Variants in HACD4 observed in about 807,000 individuals in gnomAD.
HACD4 encodes the protein 3-hydroxyacyl-CoA dehydratase 4, also known as very-long-chain (3R)-3-hydroxyacyl-CoA dehydratase 4.
In HACD4, 35 loss-of-function variants were observed where a neutral mutation model predicts 33.3. That is an observed-to-expected ratio of 1.05 (90% CI 0.80 to 1.39). HACD4 has a LOEUF of 1.39. Among genes scored for constraint, HACD4 ranks in the 40% most tolerant of loss-of-function variants. The pLI, the probability that HACD4 is intolerant of heterozygous loss-of-function variation, is 0.00. For synonymous variants in HACD4, 118 were observed against 98.0 expected, an observed-to-expected ratio of 1.20 and a Z score of -1.21; for missense variants, 323 against 276.5, an observed-to-expected ratio of 1.17 and a Z score of -1.19.
rs1257172271 is a variant in HACD4 at position 21,029,367 on chromosome 9, A to T, written c.70T>A (p.Tyr24Asn). The T allele has an allele frequency of 6.3e-7, 1 of 1,593,762 alleles. No individual in the cohort carries two copies. The highest frequency in any genetic ancestry group is 1.3e-5 in the African/African-American group (1 of 74,482). Residue 24 changes from tyrosine to asparagine, a missense_variant, in exon 2 of 7, where the codon TAC (tyrosine) becomes AAC (asparagine). By Grantham distance (143) the Tyr-to-Asn change is moderately radical. Coordinates refer to ENST00000495827, the MANE Select transcript of HACD4 (RefSeq NM_001010915.5). ...GAGTGGCCACAGAACTGGATTAAGT[A>T]ATAGATGAAAAGATACGCATTCTTC... is the stretch of plus-strand genomic sequence containing the variant. The part of the protein sequence containing the change: ...YRKNAYLFIY[Y>N]LIQFCGHSWI...
At chr9:21,026,753 T>C in intron 2 of HACD4, 30 bp from the exon 3 acceptor site, 7 of 1,597,424 alleles carry the variant, frequency 4.4e-6, no homozygotes, top group African/African-American at 1.3e-5. Context: ...AATGCAGATA[T>C]AGGAAGAAAA....
Position 21,001,648 on chromosome 9 carries a change from G to A in HACD4, c.*5389C>T, listed in dbSNP as rs1336802142. The A allele has an allele frequency of 1.3e-5, 2 of 152,098 alleles. No homozygotes were observed. Among genetic ancestry groups the A allele is most frequent in the Non-Finnish European group, 2.9e-5 (2 of 67,974 alleles). 9.4% of individuals were successfully genotyped at this position (152,098 alleles called of 1,614,324 possible). A position where few individuals can be genotyped will look rare whatever the true frequency, so the allele number is the denominator to read the frequency against. On this transcript the variant is annotated 3_prime_UTR_variant, in exon 7 of 7. Coordinates refer to ENST00000495827, the MANE Select transcript of HACD4 (RefSeq NM_001010915.5). ...GAAAAAATCAATTCATCACATATAA[G>A]TGATCCTTAATAAGATTATCAGATT...
Position 20,999,686 on chromosome 9 carries a change from G to A in HACD4, c.*7351C>T, listed in dbSNP as rs1390350457. The A allele has an allele frequency of 6.6e-6, 1 of 152,118 alleles. No individual in the cohort carries two copies. Among genetic ancestry groups the A allele is most frequent in the Non-Finnish European group, 1.5e-5 (1 of 68,002 alleles). The allele number at this position is 152,118 out of a possible 1,614,324, so 9.4% of individuals were successfully genotyped here. A position where few individuals can be genotyped will look rare whatever the true frequency, so the allele number is the denominator to read the frequency against. ...TTGAAATTCATTACCTAATTAAGCCGATAGATTTCTTGAAATATATTTCTA... is the reference window on the plus strand; with the variant it reads ...TTGAAATTCATTACCTAATTAAGCCAATAGATTTCTTGAAATATATTTCTA... On this transcript the variant is annotated 3_prime_UTR_variant, in exon 7 of 7. Coordinates refer to ENST00000495827, the MANE Select transcript of HACD4 (RefSeq NM_001010915.5).
intron 3 of HACD4, among the ~76,000 whole-genome samples, chr9:21,024,123 G>A (rs569872361): frequency 2.0e-5 from 3 of 152,340 alleles, no homozygotes; most frequent in Admixed American, 2.0e-4. Context: ...AGGAAGGAGG[G>A]AGAAAATGAA....
In HACD4 at chr9:21,003,615, T is replaced by C. The variant is rs1842201733; in HGVS notation, c.*3422A>G. On this transcript the variant is annotated 3_prime_UTR_variant, in exon 7 of 7. Transcript: ENST00000495827. ...AATGTTTTCTTTAGTGGAAATAAGT[T>C]ACCCATTTTTAAAATTACATTTTTA... 1.3e-5 allele frequency: 2 copies of C among 152,158 alleles called. No individual in the cohort carries two copies. Among genetic ancestry groups the C allele is most frequent in the South Asian group, 4.1e-4 (2 of 4,836 alleles). 9.4% of individuals were successfully genotyped at this position (152,158 alleles called of 1,614,324 possible).
chr9:21,011,451 G>A, intron 5 of HACD4, 138 bp downstream of exon 5: 1 of 650,276 alleles, frequency 1.5e-6, no homozygotes, highest in Non-Finnish European at 2.7e-6. Context: ...TTGCATCAAG[G>A]GAAATATGCC....
intron 4 of HACD4, among the ~76,000 whole-genome samples, chr9:21,014,975 A>G (rs1842521899): frequency 1.3e-5 from 2 of 152,164 alleles, no homozygotes; most frequent in Admixed American, 1.3e-4. Flanking sequence ...ATGATGTTCC[A>G]TTGTCTCATG....
At chr9:21,021,898 C>G (rs1463756234) in intron 3 of HACD4, among the ~76,000 whole-genome samples, 2 of 152,090 alleles carry the variant, frequency 1.3e-5, no homozygotes, top group African/African-American at 4.8e-5. Flanking sequence ...TCATATGGAA[C>G]CAAAAAAGAG....
In HACD4 at chr9:21,005,716, A is replaced by G. The variant is rs1327018197; in HGVS notation, c.*1321T>C. The G allele has an allele frequency of 1.3e-5, 2 of 152,314 alleles. No homozygotes were observed. The highest frequency in any genetic ancestry group is 2.9e-5 in the Non-Finnish European group (2 of 68,144). The allele number at this position is 152,314 out of a possible 1,614,324, so 9.4% of individuals were successfully genotyped here. A position where few individuals can be genotyped will look rare whatever the true frequency, so the allele number is the denominator to read the frequency against. On this transcript the variant is annotated 3_prime_UTR_variant, in exon 7 of 7. Coordinates refer to ENST00000495827, the MANE Select transcript of HACD4 (RefSeq NM_001010915.5). The surrounding 1 kb of genome is among the most constrained non-coding windows in gnomAD (Gnocchi z 4.0). ...GATATGGGGGTCATCCTCCTCCAAC[A>G]TAGTCCTGGGGGCAATACCTCTGCC...
intron 4 of HACD4, 35 bp from the exon 5 acceptor site, chr9:21,011,730 T>G: frequency 9.0e-7 from 1 of 1,109,228 alleles, no homozygotes; most frequent in Non-Finnish European, 1.3e-6. Context: ...AACATCATTT[T>G]CTGCTAATAT....
In HACD4 at chr9:21,004,004, T is replaced by C. The variant is rs888681302; in HGVS notation, c.*3033A>G. On this transcript the variant is annotated 3_prime_UTR_variant, in exon 7 of 7. Transcript: ENST00000495827. The surrounding 1 kb of genome is among the most constrained non-coding windows in gnomAD (Gnocchi z 4.6). Reference sequence around the variant, plus strand: ...TGTATTTGCTAAAGGTTTACTATTTTCATTAGGGTCTTCTCTTTTGAGATA... The same window carrying C: ...TGTATTTGCTAAAGGTTTACTATTTCCATTAGGGTCTTCTCTTTTGAGATA... 2 of 152,178 alleles carry C rather than the reference T, an allele frequency of 1.3e-5. No homozygotes were observed. The highest frequency in any genetic ancestry group is 4.8e-5 in the African/African-American group (2 of 41,454). The allele number at this position is 152,178 out of a possible 1,614,324, so 9.4% of individuals were successfully genotyped here.
chr9:21,011,463 G>T (rs1187486895), intron 5 of HACD4, 126 bp downstream of exon 5: 3 of 671,208 alleles, frequency 4.5e-6, no homozygotes, highest in Non-Finnish European at 8.0e-6. Flanking sequence ...AAATATGCCA[G>T]TAAGGATACA....
At chr9:21,016,921 A>G (rs1309282381) in intron 3 of HACD4, among the ~76,000 whole-genome samples, 2 of 152,120 alleles carry the variant, frequency 1.3e-5, no homozygotes, top group Non-Finnish European at 2.9e-5. Context: ...CTTAGCCCCA[A>G]TTACTAGCCT....
chr9:21,002,795 A>G lies in HACD4; in HGVS notation c.*4242T>C, dbSNP rs190973246. On this transcript the variant is annotated 3_prime_UTR_variant, in exon 7 of 7. Coordinates refer to ENST00000495827, the MANE Select transcript of HACD4 (RefSeq NM_001010915.5). ...ATATCTAATGGTTCCTATTTCATCT[A>G]TGTTACTTAGATTTGAGAAAGTAAG... The G allele has an allele frequency of 1.3e-5, 2 of 152,286 alleles. No homozygotes were observed. The highest frequency in any genetic ancestry group is 1.3e-4 in the Admixed American group (2 of 15,294). 9.4% of individuals were successfully genotyped at this position (152,286 alleles called of 1,614,324 possible).
Position 21,006,781 on chromosome 9 carries a change from AG to A in HACD4, c.*255del, listed in dbSNP as rs1234378091. On this transcript the variant is annotated 3_prime_UTR_variant, in exon 7 of 7. Transcript: ENST00000495827. This position sits in a 1 kb window ranked among gnomAD's most constrained non-coding sequence, Gnocchi z 4.6. ...AAATAATCAGACTTCATACAATGTAAGTATAACTTGTATAAAATCCAAATGA... is the reference window on the plus strand; with the variant it reads ...AAATAATCAGACTTCATACAATGTAATATAACTTGTATAAAATCCAAATGA... The A allele has an allele frequency of 4.7e-6, 2 of 428,778 alleles. No individual in the cohort carries two copies. Among genetic ancestry groups the A allele is most frequent in the Non-Finnish European group, 8.4e-6 (2 of 236,688 alleles). The allele number at this position is 428,778 out of a possible 1,614,324, so 26.6% of individuals were successfully genotyped here. A position where few individuals can be genotyped will look rare whatever the true frequency, so the allele number is the denominator to read the frequency against.
chr9:21,026,528 G>A (rs1818064149), intron 3 of HACD4, 68 bp downstream of exon 3: 19 of 1,333,606 alleles, frequency 1.4e-5, no homozygotes, highest in Non-Finnish European at 2.0e-5. Context: ...ATAAAGTCAA[G>A]AGAAGCTTTA....
rs748352462 is a variant in HACD4 at position 21,031,614 on chromosome 9, A to T, written c.-24T>A. 829 of 1,412,718 alleles carry T rather than the reference A, an allele frequency of 5.9e-4. 9 individuals are homozygous for T. The Middle Eastern group carries it at 0.015, about 26-fold the overall frequency. 87.5% of individuals were successfully genotyped at this position (1,412,718 alleles called of 1,614,324 possible). ...ATGGGCCGCCGCCGCCAGGGCTTCC[A>T]GCGCGGTCCAGGAAGGAGTACCGGG... On this transcript the variant is annotated 5_prime_UTR_variant, in exon 1 of 7. Transcript: ENST00000495827.
At chr9:21,017,083 T>C (rs747438226) in intron 3 of HACD4, among the ~76,000 whole-genome samples, 6 of 152,182 alleles carry the variant, frequency 3.9e-5, no homozygotes, top group Admixed American at 6.6e-5. Context: ...ATACTTAAGA[T>C]TGAACAGTCA....
rs564556812 is a variant in HACD4 at position 21,020,887 on chromosome 9, G to A, written c.271-4877C>T. On this transcript the variant is annotated intron_variant, in intron 3 of 6. Transcript: ENST00000495827. ...AATGATTATTGTCTTTTAGTCAATGGGTTTTTTCCTTTCCTTTCATATGTA... is the reference window on the plus strand; with the variant it reads ...AATGATTATTGTCTTTTAGTCAATGAGTTTTTTCCTTTCCTTTCATATGTA... 6.6e-5 allele frequency among the ~76,000 whole-genome samples: 10 copies of A among 152,168 alleles called. No homozygotes were observed. The South Asian group carries it at 1.5e-3, about 22-fold the overall frequency.
Sources: allele counts gnomAD v4.1 joint callset (sites outside exome capture counted in the v4.1 genomes callset), GRCh38; gene constraint gnomAD v4.1.1; non-coding constraint Gnocchi (gnomAD v3.1); transcripts MANE v1.5; gene names NCBI Gene and HGNC (gene_info 2026-07-23, HGNC 2026-07-21).